The following PDCD11 variants were observed in gnomAD, a reference collection of about 807,000 sequenced individuals.
The protein encoded by PDCD11 is programmed cell death 11.
PDCD11 carries 97 observed loss-of-function variants against 198.9 expected under a neutral mutation model. The ratio of observed to expected loss-of-function variants is 0.49; its 90% CI spans 0.41 to 0.58. The LOEUF (loss-of-function observed/expected upper bound fraction) is 0.58. PDCD11 is among the 20% of genes least tolerant of loss of function. PDCD11 has a pLI of 0.00. For synonymous variants in PDCD11, 893 were observed against 918.0 expected (o/e 0.97, Z 0.49); for missense variants, 2,102 against 2,312.7 (o/e 0.91, Z 1.87).
chr10:103,412,001 T>G (rs1049829754), intron 8 of PDCD11, among the ~76,000 whole-genome samples: 2 of 152,082 alleles, frequency 1.3e-5, no homozygotes, highest in Non-Finnish European at 2.9e-5. Flanking sequence ...TTTTATTTAT[T>G]TATTTTATTA....
rs11498559 is a variant in PDCD11 at position 103,425,687 on chromosome 10, T to C, written c.3305+162T>C. Among the ~76,000 whole-genome samples the C allele has an allele frequency of 2.7e-4, 41 of 152,340 alleles. No individual in the cohort carries two copies. In the East Asian group the frequency reaches 7.1e-3, roughly 27 times the overall value. On this transcript the variant is annotated intron_variant, in intron 20 of 35. Coordinates refer to ENST00000369797, the MANE Select transcript of PDCD11 (RefSeq NM_014976.2). Reference sequence around the variant, plus strand: ...ATTATTTTGCAAGATTCTTTTTTTTTTCTTTTTTTTGAGACGGAGTCTCAC... The same window carrying C: ...ATTATTTTGCAAGATTCTTTTTTTTCTCTTTTTTTTGAGACGGAGTCTCAC...
chr10:103,432,577 A>G (rs2031981115), intron 22 of PDCD11, among the ~76,000 whole-genome samples: 1 of 152,254 alleles, frequency 6.6e-6, no homozygotes, highest in Admixed American at 6.5e-5. Flanking sequence ...CTGTAAAACA[A>G]CATGAAATTG....
rs759045439 is a variant in PDCD11, at chr10:103,414,072, C to A, written c.1292C>A (p.Ala431Asp). 1.2e-6 allele frequency: 2 copies of A among 1,612,578 alleles called. No homozygotes were observed. The highest frequency in any genetic ancestry group is 2.2e-5 in the South Asian group (2 of 90,930). ...GACTACAGCCAAATGGATGAACTGG[C>A]CTTGCTCTCTCTACGAACGTAAGTC... Reference protein sequence around the residue: ...IIDYSQMDELALLSLRTSIIE... With the variant: ...IIDYSQMDELDLLSLRTSIIE... The change falls in exon 10 of 36, where the codon GCC (alanine) becomes GAC (aspartate). Residue 431 changes from alanine (A) to aspartate (D), a missense_variant. Coordinates refer to ENST00000369797, the MANE Select transcript of PDCD11 (RefSeq NM_014976.2).
At position 103,445,695 on chromosome 10, in the gene PDCD11, G is replaced by A. The variant is rs1441008126; in HGVS notation, c.*146G>A. On this transcript the variant is annotated 3_prime_UTR_variant, in exon 36 of 36. Transcript: ENST00000369797. ...ACGCTTGGGGAAATCCTGTCAGGAT[G>A]AAAAGGAAGTTGAGATTTTTTAAAT... The A allele has an allele frequency of 4.8e-6, 3 of 627,360 alleles. No individual in the cohort carries two copies. The highest frequency in any genetic ancestry group is 1.8e-5 in the African/African-American group (1 of 54,594). The allele number at this position is 627,360 out of a possible 1,614,324, so 38.9% of individuals were successfully genotyped here.
Position 103,425,169 on chromosome 10 carries a change from A to G in PDCD11, c.2949A>G (p.Thr983=). 1 of 1,614,176 alleles carries G rather than the reference A, an allele frequency of 6.2e-7. No homozygotes were observed. The highest frequency in any genetic ancestry group is 8.5e-7 in the Non-Finnish European group (1 of 1,180,032). Residue 983 remains threonine, a synonymous_variant, in exon 20 of 36, where the codon ACA becomes ACG. Transcript: ENST00000369797. ...GTGTCTCCCTAACCCTCAAGACCACAGAACCAGGAGTGACTGGCCTTCTTT... is the reference window on the plus strand; with the variant it reads ...GTGTCTCCCTAACCCTCAAGACCACGGAACCAGGAGTGACTGGCCTTCTTT... ...GQGVSLTLKT[T]EPGVTGLLLA... is the part of the protein sequence containing the mutation.
At chr10:103,419,438 A>G in intron 15 of PDCD11, 100 bp from the exon 16 acceptor site, 2 of 1,292,680 alleles carry the variant, frequency 1.5e-6, no homozygotes, top group Non-Finnish European at 2.2e-6. Flanking sequence ...AGCAGCAGAG[A>G]TCAGCCTGCA....
rs1268423566 is a variant in PDCD11, at chr10:103,434,891, A to C, written c.3761A>C (p.Lys1254Thr). The change falls in exon 25 of 36, where the codon AAG becomes ACG. Residue 1254 changes from lysine to threonine, a missense_variant. Physicochemically the swap from Lys to Thr is moderately conservative, Grantham distance 78. Coordinates refer to ENST00000369797, the MANE Select transcript of PDCD11 (RefSeq NM_014976.2). ...EGLTVSFPFG[K>T]IGTVSIFHMS... ...CTGACCGTCTCCTTCCCCTTTGGGA[A>C]GATAGGAACAGTCAGTATATTTCAC... 6.2e-7 allele frequency: 1 copy of C among 1,613,050 alleles called. No individual in the cohort carries two copies. Among genetic ancestry groups the C allele is most frequent in the South Asian group, 1.1e-5 (1 of 90,862 alleles).
rs927206368 is a variant in PDCD11, at chr10:103,435,171, C to CAT, written c.3845+206_3845+207dup. Reference sequence around the variant, plus strand: ...ATTTCTATCTTTCTAGACTTTAATGCATATATATATAGTTTTTCTTTATAT... The same window carrying CAT: ...ATTTCTATCTTTCTAGACTTTAATGCATATATATATATAGTTTTTCTTTATAT... On this transcript the variant is annotated intron_variant, in intron 25 of 35. Coordinates refer to ENST00000369797, the MANE Select transcript of PDCD11 (RefSeq NM_014976.2). Among the ~76,000 whole-genome samples, 8 of 151,860 alleles carry CAT rather than the reference C, an allele frequency of 5.3e-5. No homozygotes were observed. In the South Asian group the frequency reaches 6.2e-4, roughly 12 times the overall value.
chr10:103,431,397 C>A (rs139044094), intron 21 of PDCD11, among the ~76,000 whole-genome samples: 2,883 of 152,006 alleles, frequency 0.019, 22 homozygotes, highest in Middle Eastern at 0.037. Flanking sequence ...TCGAGACCAG[C>A]CTGGCCAACA....
At chr10:103,413,407 C>A in intron 9 of PDCD11, 85 bp downstream of exon 9, 2 of 1,084,218 alleles carry the variant, frequency 1.8e-6, no homozygotes, top group Non-Finnish European at 2.7e-6. Context: ...TTCTTTCATT[C>A]CTTGATGCTA....
Position 103,413,359 on chromosome 10 carries a change from A to G in PDCD11, c.1185+37A>G, listed in dbSNP as rs1379147734. 3.3e-6 allele frequency: 5 copies of G among 1,531,084 alleles called. No homozygotes were observed. The African/African-American group carries it at 4.1e-5, about 13-fold the overall frequency. 94.8% of individuals were successfully genotyped at this position (1,531,084 alleles called of 1,614,324 possible). A position where few individuals can be genotyped will look rare whatever the true frequency, so the allele number is the denominator to read the frequency against. On this transcript the variant is annotated intron_variant, in intron 9 of 35. Transcript: ENST00000369797. Reference sequence around the variant, plus strand: ...TCTTTGTTTGGTCAGGGATCTTATCACTGGAAGGACTTCTGGAGCACAGGG... The same window carrying G: ...TCTTTGTTTGGTCAGGGATCTTATCGCTGGAAGGACTTCTGGAGCACAGGG...
chr10:103,403,782 G>T (rs943985312), intron 4 of PDCD11, among the ~76,000 whole-genome samples: 3 of 152,316 alleles, frequency 2.0e-5, no homozygotes, highest in Admixed American at 6.5e-5. Flanking sequence ...AGTCGTTCAC[G>T]TCCTGAGATT....
In PDCD11 at chr10:103,439,736, C is replaced by T. The variant is rs375253905; in HGVS notation, c.4026-10C>T. The T allele has an allele frequency of 4.3e-6, 7 of 1,614,196 alleles. No homozygotes were observed. Among genetic ancestry groups the T allele is most frequent in the Non-Finnish European group, 4.2e-6 (5 of 1,180,014 alleles). On this transcript the variant is annotated splice_polypyrimidine_tract_variant and intron_variant, in intron 27 of 35. Transcript: ENST00000369797. ...TTGTGACCACAGGACTCTTGCCTCT[C>T]TCCTTTCAGCCTTGGCCCCTCCGTT...
At chr10:103,399,590 A>G (rs1040413160) in intron 2 of PDCD11, 1 of 152,286 alleles carries the variant, frequency 6.6e-6, no homozygotes, top group Admixed American at 6.5e-5. Context: ...CACCTAGACT[A>G]GGCTGTGCTC....
intron 21 of PDCD11, among the ~76,000 whole-genome samples, chr10:103,427,821 T>C (rs2031762790): frequency 1.3e-5 from 2 of 152,084 alleles, no homozygotes; most frequent in Non-Finnish European, 2.9e-5. Flanking sequence ...AGAAGGGTGT[T>C]CCATGAGATA....
chr10:103,416,749 C>T lies in PDCD11; in HGVS notation c.1770+7C>T, dbSNP rs779943865. 1.9e-6 allele frequency: 3 copies of T among 1,612,494 alleles called. No homozygotes were observed. In the Admixed American group the frequency reaches 5.0e-5, roughly 27 times the overall value. The stretch of plus-strand genomic sequence containing the variant: ...AGTTTTTTACACTGGCCAGGTAACC[C>T]TTCCCCTAGACAGGTCCCCTTTACC... On this transcript the variant is annotated splice_region_variant and intron_variant, in intron 13 of 35. Coordinates refer to ENST00000369797, the MANE Select transcript of PDCD11 (RefSeq NM_014976.2).
At chr10:103,400,328 A>G in intron 2 of PDCD11, 69 bp from the exon 3 acceptor site, 1 of 1,491,134 alleles carries the variant, frequency 6.7e-7, no homozygotes, top group East Asian at 2.4e-5. Flanking sequence ...ATGACCTGAA[A>G]TAGGAGGGAA....
At position 103,438,766 on chromosome 10, in the gene PDCD11, G is replaced by A; in HGVS notation, c.3983G>A (p.Arg1328Lys). The change falls in exon 27 of 36, where the codon AGG becomes AAG. Residue 1328 changes from arginine to lysine, a missense_variant. Coordinates refer to ENST00000369797, the MANE Select transcript of PDCD11 (RefSeq NM_014976.2). ...IQDIKEGQLL[R>K]GYVGSIQPHG... Reference sequence around the variant, plus strand: ...GACATTAAGGAAGGGCAGCTTCTGAGGGGCTATGTAGGGTCCATCCAGCCA... The same window carrying A: ...GACATTAAGGAAGGGCAGCTTCTGAAGGGCTATGTAGGGTCCATCCAGCCA... 6.2e-7 allele frequency: 1 copy of A among 1,614,170 alleles called. No homozygotes were observed. The highest frequency in any genetic ancestry group is 8.5e-7 in the Non-Finnish European group (1 of 1,180,022).
At chr10:103,409,881 A>G (rs1200332801) in intron 8 of PDCD11, 75 bp downstream of exon 8, 6 of 1,081,790 alleles carry the variant, frequency 5.5e-6, no homozygotes, top group Admixed American at 3.4e-5. Flanking sequence ...AGCTAGCTAC[A>G]GGGAGGTCCT....
Sources: gnomAD v4.1 joint callset for allele counts (sites outside exome capture counted in the v4.1 genomes callset) on GRCh38, gnomAD v4.1.1 for gene constraint, MANE v1.5 for transcripts, NCBI Gene and HGNC (gene_info 2026-07-23, HGNC 2026-07-21) for gene names.